CIZ1: variants seen among roughly 807,000 people sequenced by gnomAD.
CIZ1 encodes the protein CDKN1A interacting zinc finger protein 1, also known as cip1-interacting zinc finger protein.
In CIZ1, 58 loss-of-function variants were observed where a neutral mutation model predicts 118.6. The ratio of observed to expected loss-of-function variants is 0.49; its 90% CI spans 0.40 to 0.61. CIZ1 has a LOEUF of 0.61. CIZ1 is among the 20% of genes least tolerant of loss of function. CIZ1 has a pLI of 0.00. For missense variants in CIZ1, 921 were observed against 1,115.9 expected (o/e 0.83, Z 2.49); for synonymous variants, 448 against 443.4 (o/e 1.01, Z -0.13).
At position 128,177,546 on chromosome 9, in the gene CIZ1, C is replaced by CAAAAAACAGG; in HGVS notation, c.1818+19_1818+20insCCTGTTTTTT. 7.4e-7 allele frequency: 1 copy of CAAAAAACAGG among 1,353,454 alleles called. No homozygotes were observed. Among genetic ancestry groups the CAAAAAACAGG allele is most frequent in the Non-Finnish European group, 9.9e-7 (1 of 1,013,752 alleles). 83.8% of individuals were successfully genotyped at this position (1,353,454 alleles called of 1,614,324 possible). A position where few individuals can be genotyped will look rare whatever the true frequency, so the allele number is the denominator to read the frequency against. Reference sequence around the variant, plus strand: ...CACGCAGGCCCCACCCCTCCCCACCCTTATCTCCTGTATCAGTACCTGCTG... The same window carrying CAAAAAACAGG: ...CACGCAGGCCCCACCCCTCCCCACCCAAAAAACAGGTTATCTCCTGTATCAGTACCTGCTG... On this transcript the variant is annotated intron_variant, in intron 10 of 16. Transcript: ENST00000372938.
At chr9:128,185,070 G>A (rs1343974283) in intron 5 of CIZ1, among the ~76,000 whole-genome samples, 1 of 152,100 alleles carries the variant, frequency 6.6e-6, no homozygotes, top group Admixed American at 6.5e-5. Context: ...CCTGAGGTCA[G>A]GAGTTTGAGA....
At chr9:128,185,513 CT>C in intron 5 of CIZ1, 33 bp downstream of exon 5, 2 of 1,400,826 alleles carry the variant, frequency 1.4e-6, no homozygotes. Context: ...CCAGGGTCCC[CT>C]CCCGCCCACT....
chr9:128,185,871 T>A, intron 4 of CIZ1, 95 bp from the exon 5 acceptor site: 1 of 854,836 alleles, frequency 1.2e-6, no homozygotes, highest in Non-Finnish European at 1.9e-6. Flanking sequence ...CATGGGAACA[T>A]CCCAGATAAT....
At position 128,190,772 on chromosome 9, in the gene CIZ1, TGCTGCTGCTGGA is replaced by T. The variant is rs1365848457; in HGVS notation, c.74_85del (p.Leu25_Gln28del). ...CTGCAGTAACTGCTGCTGCTGCAATTGCTGCTGCTGGAGCTGCTGCTGCTGTAACTGCTGGAG... is the reference window on the plus strand; with the variant it reads ...CTGCAGTAACTGCTGCTGCTGCAATTGCTGCTGCTGCTGTAACTGCTGGAG... On this transcript the variant is annotated inframe_deletion, in exon 2 of 17. Transcript: ENST00000372938. 3 of 1,541,166 alleles carry T rather than the reference TGCTGCTGCTGGA, an allele frequency of 1.9e-6. No homozygotes were observed. Among genetic ancestry groups the T allele is most frequent in the Non-Finnish European group, 2.6e-6 (3 of 1,142,398 alleles).
At chr9:128,180,354 C>T (rs903626656) in intron 7 of CIZ1, 61 bp downstream of exon 7, 3 of 1,275,804 alleles carry the variant, frequency 2.4e-6, no homozygotes, top group Admixed American at 3.4e-5. Context: ...GCCACCCCTG[C>T]CTTTGCAGGA....
intron 5 of CIZ1, among the ~76,000 whole-genome samples, chr9:128,184,193 C>T (rs1167202216): frequency 1.3e-5 from 2 of 152,200 alleles, no homozygotes; most frequent in Non-Finnish European, 2.9e-5. Context: ...GCCATGCTCT[C>T]CCACACAGTC....
In CIZ1 at chr9:128,190,377, G is replaced by A. The variant is rs766508810; in HGVS notation, c.238C>T (p.Leu80Phe). The change falls in exon 3 of 17, where the codon CTC becomes TTC. Residue 80 changes from leucine to phenylalanine, a missense_variant. Coordinates refer to ENST00000372938, the MANE Select transcript of CIZ1 (RefSeq NM_001131016.2). ...GCTCTCTGCAGCATGGAGCCGTTGA[G>A]GAGGGAGGCTGAGTTGGTGCCCTGG... ...NLQGTNSASL[L>F]NGSMLQRALL... 1.9e-5 allele frequency: 30 copies of A among 1,614,026 alleles called. No individual in the cohort carries two copies. The highest frequency in any genetic ancestry group is 2.2e-5 in the East Asian group (1 of 44,886).
Position 128,180,504 on chromosome 9 carries a change from G to C in CIZ1, c.702C>G (p.Cys234Trp). The C allele has an allele frequency of 6.2e-7, 1 of 1,614,038 alleles. No homozygotes were observed. The highest frequency in any genetic ancestry group is 8.5e-7 in the Non-Finnish European group (1 of 1,179,944). Reference protein sequence around the residue: ...DTPEDQDLPPCPEDIAKEKRT... With the variant: ...DTPEDQDLPPWPEDIAKEKRT... The stretch of plus-strand genomic sequence containing the variant: ...GTTTTTCCTTGGCGATGTCCTCTGG[G>C]CAGGGCGGTAAATCTTGGTCTGGAA... Residue 234 changes from cysteine (C) to tryptophan (W), a missense_variant, in exon 7 of 17, where the codon TGC becomes TGG. Cys to Trp is a radical substitution (Grantham distance 215, BLOSUM62 -2). Transcript: ENST00000372938.
In CIZ1 at chr9:128,179,734, G is replaced by A. The variant is rs562479429; in HGVS notation, c.792-319C>T. Among the ~76,000 whole-genome samples the A allele has an allele frequency of 4.6e-5, 7 of 152,190 alleles. No individual in the cohort carries two copies. The South Asian group carries it at 8.3e-4, about 18-fold the overall frequency. ...GTTGCCCAGGCTGGAGTGCAATGGC[G>A]CGATCTCGGCTCACCACAACCTCCG... On this transcript the variant is annotated intron_variant, in intron 7 of 16. Transcript: ENST00000372938.
chr9:128,191,472 C>T lies in CIZ1; in HGVS notation c.-46G>A. On this transcript the variant is annotated 5_prime_UTR_variant, in exon 1 of 17. The change creates a new upstream start codon in the 5' untranslated region. Transcript: ENST00000372938. This position sits in a 1 kb window ranked among gnomAD's most constrained non-coding sequence, Gnocchi z 5.5. ...GCCCTCAACGCTCAAGTCGCCCCCA[C>T]GGATGGGCCGGCCCCGCAGCCCCCA... is the stretch of plus-strand genomic sequence containing the variant. The T allele has an allele frequency of 1.0e-6, 1 of 988,734 alleles. No individual in the cohort carries two copies. Among genetic ancestry groups the T allele is most frequent in the Non-Finnish European group, 1.2e-6 (1 of 830,470 alleles). 61.2% of individuals were successfully genotyped at this position (988,734 alleles called of 1,614,324 possible).
chr9:128,170,952 C>A (rs959699395), intron 11 of CIZ1, among the ~76,000 whole-genome samples: 2 of 151,506 alleles, frequency 1.3e-5, no homozygotes, highest in Non-Finnish European at 2.9e-5. Context: ...ACAGCAAGAC[C>A]CCATCTCTAC....
At chr9:128,192,310 C>T (rs936161232), upstream of CIZ1, among the ~76,000 whole-genome samples, 7 of 150,606 alleles carry the variant, frequency 4.6e-5, no homozygotes, top group African/African-American at 1.7e-4. Flanking sequence ...GCACAGGCTG[C>T]AGTGAGCTGA....
chr9:128,168,511 G>A (rs1269137052), intron 14 of CIZ1, among the ~76,000 whole-genome samples: 1 of 138,360 alleles, frequency 7.2e-6, no homozygotes, highest in African/African-American at 2.9e-5. Context: ...GCGAGACTCC[G>A]TCTTGAAAAA....
chr9:128,199,151 T>C (rs1249572484), intron 1 of CIZ1, among the ~76,000 whole-genome samples: 2 of 152,042 alleles, frequency 1.3e-5, no homozygotes, highest in African/African-American at 2.4e-5. Flanking sequence ...GTGGATCACC[T>C]GAGGTCAGGA....
chr9:128,168,721 T>A (rs1213356557), intron 14 of CIZ1: 4 of 314,472 alleles, frequency 1.3e-5, no homozygotes, highest in African/African-American at 8.6e-5. Flanking sequence ...TGTCTGCTGC[T>A]GTCAGTCTCT....
Position 128,180,473 on chromosome 9 carries a change from G to T in CIZ1, c.733C>A (p.Pro245Thr). ...PEDIAKEKRT[P>T]APEPEPCEAS... ...TCACAAGGCTCAGGCTCAGGTGCTG[G>T]AGTGCGTTTTTCCTTGGCGATGTCC... Residue 245 changes from proline (P) to threonine (T), a missense_variant, in exon 7 of 17, where the codon CCA becomes ACA. Physicochemically the swap from Pro to Thr is conservative, Grantham distance 38. Transcript: ENST00000372938. 6.2e-7 allele frequency: 1 copy of T among 1,614,194 alleles called. No homozygotes were observed. Among genetic ancestry groups the T allele is most frequent in the African/African-American group, 1.3e-5 (1 of 75,042 alleles).
chr9:128,166,513 G>T lies in CIZ1; in HGVS notation c.2488-107C>A. On this transcript the variant is annotated intron_variant, in intron 16 of 16. Transcript: ENST00000372938. The surrounding 1 kb of genome is among the most constrained non-coding windows in gnomAD (Gnocchi z 4.4). ...GGCTGAGACAGTATTAGTGTGCTCT[G>T]TGACCCTGCGTGATGCACTCGGCCT... 9.7e-7 allele frequency: 1 copy of T among 1,032,322 alleles called. No homozygotes were observed. The highest frequency in any genetic ancestry group is 1.4e-6 in the Non-Finnish European group (1 of 714,808). 63.9% of individuals were successfully genotyped at this position (1,032,322 alleles called of 1,614,324 possible).
rs370582439 is a variant in CIZ1 at position 128,201,159 on chromosome 9, T to C, written c.-6+3027A>G. On this transcript the variant is annotated intron_variant, in intron 1 of 17. Transcript: ENST00000372948. ...GGCACGAGCCTGTAGTCCCAGCTAC[T>C]TGGGAGGCTGAGGCAGGAGAATTGC... 2.0e-4 allele frequency among the ~76,000 whole-genome samples: 30 copies of C among 152,168 alleles called. No individual in the cohort carries two copies. In the East Asian group the frequency reaches 4.8e-3, roughly 25 times the overall value.
At chr9:128,186,297 T>C (rs542302713) in intron 4 of CIZ1, among the ~76,000 whole-genome samples, 17 of 151,984 alleles carry the variant, frequency 1.1e-4, no homozygotes, top group African/African-American at 3.9e-4. Flanking sequence ...AGAGTGGAGG[T>C]GCAGCTTGCC....
Sources: allele counts gnomAD v4.1 joint callset (sites outside exome capture counted in the v4.1 genomes callset), GRCh38; gene constraint gnomAD v4.1.1; non-coding constraint Gnocchi (gnomAD v3.1); transcripts MANE v1.5; gene names NCBI Gene and HGNC (gene_info 2026-07-23, HGNC 2026-07-21).